The following HS3ST1 variants were observed in gnomAD, a reference collection of about 807,000 sequenced individuals.
HS3ST1 encodes the protein heparan sulfate glucosamine 3-O-sulfotransferase 1.
Under a neutral mutation model 20.7 loss-of-function variants are expected in HS3ST1, and 8 were observed. The observed-to-expected ratio is 0.39, with a 90% CI of 0.23 to 0.70. HS3ST1 has a LOEUF of 0.70. HS3ST1 is among the 30% of genes least tolerant of loss of function. The pLI is 0.46. For missense variants in HS3ST1, 436 were observed against 423.4 expected, an observed-to-expected ratio of 1.03 and a Z score of -0.26; for synonymous variants, 205 against 190.4, an observed-to-expected ratio of 1.08 and a Z score of -0.63.
At chr4:11,429,043 G>C (rs980827906), upstream of HS3ST1, 5 of 152,474 alleles carry the variant, frequency 3.3e-5, no homozygotes, top group Non-Finnish European at 7.3e-5. Context: ...ACTGCTGCCC[G>C]GCCCGCTCGG....
chr4:11,414,664 GC>G (rs35736829), intron 1 of HS3ST1, among the ~76,000 whole-genome samples: 2 of 152,200 alleles, frequency 1.3e-5, no homozygotes, highest in Non-Finnish European at 2.9e-5. Context: ...TGTCCAACAT[GC>G]CAAGGAAGAT....
intron 1 of HS3ST1, among the ~76,000 whole-genome samples, chr4:11,420,562 T>C (rs1193185680): frequency 2.6e-5 from 4 of 152,222 alleles, no homozygotes; most frequent in Admixed American, 6.5e-5. Context: ...AATGTTAGTA[T>C]TTAATAAGGT....
intron 1 of HS3ST1, among the ~76,000 whole-genome samples, chr4:11,406,811 G>C (rs1718477245): frequency 1.3e-5 from 2 of 151,874 alleles, no homozygotes; most frequent in African/African-American, 4.8e-5. Flanking sequence ...TAATTTTCTG[G>C]AACGTACTGA....
rs1718235720 is a variant in HS3ST1, at chr4:11,399,226, G to A, written c.780C>T (p.Ser260=). The A allele has an allele frequency of 5.6e-6, 9 of 1,614,048 alleles. No individual in the cohort carries two copies. The highest frequency in any genetic ancestry group is 7.6e-6 in the Non-Finnish European group (9 of 1,180,044). The change falls in exon 2 of 2, where the codon AGC becomes AGT. Residue 260 remains serine (S), a synonymous_variant. Transcript: ENST00000002596. The surrounding 1 kb of genome is among the most constrained non-coding windows in gnomAD (Gnocchi z 5.1). ...KTKGFYCLRD[S]GRDRCLHESK... Reference sequence around the variant, plus strand: ...ACTCATGTAAGCAGCGGTCCCGGCCGCTGTCCCGCAGGCAGTAAAAGCCCT... The same window carrying A: ...ACTCATGTAAGCAGCGGTCCCGGCCACTGTCCCGCAGGCAGTAAAAGCCCT...
At chr4:11,409,544 A>G (rs1270351604) in intron 1 of HS3ST1, among the ~76,000 whole-genome samples, 1 of 152,206 alleles carries the variant, frequency 6.6e-6, no homozygotes, top group African/African-American at 2.4e-5. Context: ...GGCACAGGCA[A>G]AACGTGGCCC....
intron 1 of HS3ST1, among the ~76,000 whole-genome samples, chr4:11,426,263 C>G (rs1354454092): frequency 6.6e-6 from 1 of 152,010 alleles, no homozygotes; most frequent in Admixed American, 6.6e-5. Context: ...ATGAGTGAAG[C>G]AATTTACACC....
chr4:11,426,452 CA>C (rs200261261), intron 1 of HS3ST1, among the ~76,000 whole-genome samples: 3,237 of 149,150 alleles, frequency 0.022, 72 homozygotes, highest in African/African-American at 0.062. Flanking sequence ...TAGGGGGACC[CA>C]GGGGGGGGGC....
intron 1 of HS3ST1, among the ~76,000 whole-genome samples, chr4:11,409,807 C>A (rs757723441): frequency 2.6e-5 from 4 of 152,166 alleles, no homozygotes; most frequent in Non-Finnish European, 5.9e-5. Context: ...CAGGTTTAGG[C>A]AAGTGACATC....
chr4:11,399,289 C>T lies in HS3ST1; in HGVS notation c.717G>A (p.Pro239=), dbSNP rs775585879. 2.4e-5 allele frequency: 39 copies of T among 1,614,094 alleles called. No individual in the cohort carries two copies. The South Asian group carries it at 3.6e-4, about 15-fold the overall frequency. Residue 239 remains proline (P), a synonymous_variant, in exon 2 of 2, where the codon CCG becomes CCA. Coordinates refer to ENST00000002596, the MANE Select transcript of HS3ST1 (RefSeq NM_005114.4). This position sits in a 1 kb window ranked among gnomAD's most constrained non-coding sequence, Gnocchi z 5.1. ...QKVERFLKLS[P]QINASNFYFN... ...AGTAGAAGTTCGAAGCATTGATCTGCGGCGACAGCTTTAGGAACCTCTCGA... is the reference window on the plus strand; with the variant it reads ...AGTAGAAGTTCGAAGCATTGATCTGTGGCGACAGCTTTAGGAACCTCTCGA...
chr4:11,407,819 A>G (rs1211461321), intron 1 of HS3ST1, among the ~76,000 whole-genome samples: 1 of 152,246 alleles, frequency 6.6e-6, no homozygotes, highest in Non-Finnish European at 1.5e-5. Flanking sequence ...GCCTGAGCAG[A>G]GGCCTGGGAT....
intron 1 of HS3ST1, among the ~76,000 whole-genome samples, chr4:11,401,878 AG>A (rs1035660140): frequency 6.6e-6 from 1 of 152,202 alleles, no homozygotes; most frequent in Admixed American, 6.5e-5. Context: ...AGACCAGTCA[AG>A]GGTTTATGTT....
In HS3ST1 at chr4:11,394,946, A is replaced by T. The variant is rs1718094973; in HGVS notation, c.*4136T>A. ...TTTTATGCAACAGATACACCTGCAC[A>T]GGAGCCAAATTCACATGGGTGCCTG... On this transcript the variant is annotated 3_prime_UTR_variant, in exon 2 of 2. Coordinates refer to ENST00000002596, the MANE Select transcript of HS3ST1 (RefSeq NM_005114.4). 6.6e-6 allele frequency: 1 copy of T among 152,238 alleles called. No homozygotes were observed. 9.4% of individuals were successfully genotyped at this position (152,238 alleles called of 1,614,324 possible).
Position 11,396,562 on chromosome 4 carries a change from C to T in HS3ST1, c.*2520G>A, listed in dbSNP as rs934496428. ...TCACTGCATTTTGGCCCTGTAAGGACAGCCCAGGGTCTACTACAGGGCCTC... is the reference window on the plus strand; with the variant it reads ...TCACTGCATTTTGGCCCTGTAAGGATAGCCCAGGGTCTACTACAGGGCCTC... On this transcript the variant is annotated 3_prime_UTR_variant, in exon 2 of 2. Coordinates refer to ENST00000002596, the MANE Select transcript of HS3ST1 (RefSeq NM_005114.4). The T allele has an allele frequency of 9.2e-5, 14 of 152,242 alleles. No homozygotes were observed. Among genetic ancestry groups the T allele is most frequent in the African/African-American group, 3.4e-4 (14 of 41,442 alleles). 9.4% of individuals were successfully genotyped at this position (152,242 alleles called of 1,614,324 possible).
chr4:11,424,184 C>T (rs1401408619), intron 1 of HS3ST1, among the ~76,000 whole-genome samples: 2 of 152,148 alleles, frequency 1.3e-5, no homozygotes, highest in Admixed American at 6.5e-5. Flanking sequence ...TGTTACTTGC[C>T]TGGCTGCTGA....
chr4:11,419,327 G>A (rs980371275), intron 1 of HS3ST1, among the ~76,000 whole-genome samples: 1 of 151,936 alleles, frequency 6.6e-6, no homozygotes, highest in African/African-American at 2.4e-5. Flanking sequence ...TAAGACTAAA[G>A]AAACAAAGGG....
upstream of HS3ST1, among the ~76,000 whole-genome samples, chr4:11,432,635 G>T (rs1719227249): frequency 6.6e-6 from 1 of 152,218 alleles, no homozygotes; most frequent in African/African-American, 2.4e-5. Flanking sequence ...GGGTTTGAAA[G>T]ATAATTTTCA....
At chr4:11,410,130 C>CA (rs1298583008) in intron 1 of HS3ST1, among the ~76,000 whole-genome samples, 1 of 152,206 alleles carries the variant, frequency 6.6e-6, no homozygotes, top group African/African-American at 2.4e-5. Flanking sequence ...GGTGATCACT[C>CA]AAACTCTTAC....
rs1041603669 is a variant in HS3ST1 at position 11,400,059 on chromosome 4, C to A, written c.-54G>T. 24 of 1,438,028 alleles carry A rather than the reference C, an allele frequency of 1.7e-5. No homozygotes were observed. In the African/African-American group the frequency reaches 3.4e-4, roughly 21 times the overall value. The allele number at this position is 1,438,028 out of a possible 1,614,324, so 89.1% of individuals were successfully genotyped here. A position where few individuals can be genotyped will look rare whatever the true frequency, so the allele number is the denominator to read the frequency against. On this transcript the variant is annotated 5_prime_UTR_variant, in exon 2 of 2. Coordinates refer to ENST00000002596, the MANE Select transcript of HS3ST1 (RefSeq NM_005114.4). ...CGCGCGCCGCTGGGTCATGAAGTGC[C>A]GCAGCAGGGAAGCCTCCTAGTCAGT...
intron 1 of HS3ST1, among the ~76,000 whole-genome samples, chr4:11,400,940 A>G (rs1267339701): frequency 6.6e-6 from 1 of 152,180 alleles, no homozygotes; most frequent in African/African-American, 2.4e-5. Context: ...CAGAGGGAGG[A>G]TGAAAGACAC....
Sources: allele counts gnomAD v4.1 joint callset (sites outside exome capture counted in the v4.1 genomes callset), GRCh38; gene constraint gnomAD v4.1.1; non-coding constraint Gnocchi (gnomAD v3.1); transcripts MANE v1.5; gene names NCBI Gene and HGNC (gene_info 2026-07-23, HGNC 2026-07-21).